The following GRK4 variants were observed in gnomAD, a reference collection of about 807,000 sequenced individuals.
GRK4 encodes the protein G protein-coupled receptor kinase 2-like.
Under a neutral mutation model 77.9 loss-of-function variants are expected in GRK4, and 73 were observed. That is an observed-to-expected ratio of 0.94 (90% CI 0.78 to 1.14). The LOEUF is 1.14. GRK4 is among the 50% of genes most tolerant of loss of function. The pLI, the probability that GRK4 is intolerant of heterozygous loss-of-function variation, is 0.00. For synonymous variants in GRK4, 257 were observed against 254.4 expected (o/e 1.01, Z -0.10); for missense variants, 729 against 700.2 (o/e 1.04, Z -0.46).
intron 9 of GRK4, 35 bp downstream of exon 9, chr4:3,019,866 C>A: frequency 6.4e-7 from 1 of 1,569,800 alleles, no homozygotes; most frequent in South Asian, 1.2e-5. Context: ...GCCTGCAAGT[C>A]TTGGAGCCGG....
intron 5 of GRK4, among the ~76,000 whole-genome samples, 157 bp downstream of exon 5, chr4:3,004,491 C>T (rs550042956): frequency 2.0e-5 from 3 of 152,272 alleles, no homozygotes; most frequent in Non-Finnish European, 2.9e-5. Flanking sequence ...CAACCTTCTG[C>T]GCAGTTGAAA....
At chr4:3,024,205 C>A (rs1736801688) in intron 10 of GRK4, among the ~76,000 whole-genome samples, 1 of 152,184 alleles carries the variant, frequency 6.6e-6, no homozygotes, top group African/African-American at 2.4e-5. Flanking sequence ...CCTGTCTCTT[C>A]TCTTGGGGAC....
chr4:2,965,653 A>G lies in GRK4; in HGVS notation c.52+1531A>G, dbSNP rs564582243. On this transcript the variant is annotated intron_variant, in intron 1 of 15. Coordinates refer to ENST00000398052, the MANE Select transcript of GRK4 (RefSeq NM_182982.3). ...GGGCCCAGGAGAGTCCAGCCTGGGC[A>G]AAACACAGCAAGACCATCTCTTTAA... 1.3e-4 allele frequency: 77 copies of G among 589,104 alleles called. No homozygotes were observed. In the African/African-American group the frequency reaches 1.3e-3, roughly 10 times the overall value. The allele number at this position is 589,104 out of a possible 1,614,324, so 36.5% of individuals were successfully genotyped here.
At chr4:3,004,170 C>G (rs1730636730) in intron 4 of GRK4, 61 bp from the exon 5 acceptor site, 27 of 1,172,288 alleles carry the variant, frequency 2.3e-5, no homozygotes, top group Non-Finnish European at 3.3e-5. Flanking sequence ...GCATTAGGTT[C>G]TGTTCACTAG....
At chr4:2,988,864 G>T (rs370041000) in intron 3 of GRK4, 25 bp downstream of exon 3, 1 of 1,336,618 alleles carries the variant, frequency 7.5e-7, no homozygotes, top group African/African-American at 1.4e-5. Flanking sequence ...TCCATATTGA[G>T]CAACCACCCA....
intron 10 of GRK4, among the ~76,000 whole-genome samples, chr4:3,026,879 T>G (rs1336096030): frequency 6.6e-6 from 1 of 152,238 alleles, no homozygotes; most frequent in Non-Finnish European, 1.5e-5. Flanking sequence ...TAGCAAACAT[T>G]TATTGGTTAT....
At chr4:3,034,559 T>C (rs1740072442) in intron 12 of GRK4, among the ~76,000 whole-genome samples, 1 of 152,230 alleles carries the variant, frequency 6.6e-6, no homozygotes, top group Non-Finnish European at 1.5e-5. Context: ...AGCACAGCCC[T>C]GCTTTTTCTG....
In GRK4 at chr4:2,963,673, C is replaced by T. The variant is rs1716419365; in HGVS notation, c.-398C>T. On this transcript the variant is annotated 5_prime_UTR_variant, in exon 1 of 16. Transcript: ENST00000398052. ...TCGCCGGCCGCGGCGGGCGCCCCTG[C>T]CAGTGAGCCCCTGTCCGAAGTGAGC... The T allele has an allele frequency of 5.6e-6, 2 of 359,796 alleles. No homozygotes were observed. Among genetic ancestry groups the T allele is most frequent in the South Asian group, 5.7e-5 (1 of 17,472 alleles). The allele number at this position is 359,796 out of a possible 1,614,324, so 22.3% of individuals were successfully genotyped here. A position where few individuals can be genotyped will look rare whatever the true frequency, so the allele number is the denominator to read the frequency against.
intron 1 of GRK4, among the ~76,000 whole-genome samples, chr4:2,983,353 C>A (rs1041417988): frequency 6.6e-6 from 1 of 152,184 alleles, no homozygotes; most frequent in African/African-American, 2.4e-5. Context: ...ATTATGTTCT[C>A]CTGGATAAAA....
chr4:2,979,155 G>A (rs1722066004), intron 1 of GRK4, among the ~76,000 whole-genome samples: 1 of 151,932 alleles, frequency 6.6e-6, no homozygotes, highest in Admixed American at 6.6e-5. Context: ...AACCCAGGAG[G>A]TGGAGCTTGC....
At chr4:2,976,398 AT>A (rs35070610) in intron 1 of GRK4, among the ~76,000 whole-genome samples, 8 of 149,502 alleles carry the variant, frequency 5.4e-5, no homozygotes, top group South Asian at 2.1e-4. Context: ...TGCCTGAGTA[AT>A]TTTTTTTTTA....
chr4:2,973,526 C>G (rs2109429537), intron 1 of GRK4, among the ~76,000 whole-genome samples: 1 of 152,270 alleles, frequency 6.6e-6, no homozygotes, highest in South Asian at 2.1e-4. Context: ...AATACTCAAC[C>G]CCAGCACCCC....
chr4:2,992,253 T>C lies in GRK4; in HGVS notation c.300T>C (p.Asp100=), dbSNP rs2515941. 543,305 of 1,602,780 alleles carry C rather than the reference T, an allele frequency of 0.34. 96,149 individuals are homozygous for C. The highest frequency in any genetic ancestry group is 0.44 in the African/African-American group (32,757 of 74,630). The part of the protein sequence containing the change: ...YEVADDEDRS[D]CGLSILDRFF... ...TTGCCGATGATGAGGACCGAAGTGA[T>C]TGTGGACTGTCAATCTTAGATAGAT... The change falls in exon 4 of 16, where the codon GAT becomes GAC. Residue 100 remains aspartate (D), a synonymous_variant. Coordinates refer to ENST00000398052, the MANE Select transcript of GRK4 (RefSeq NM_182982.3).
At chr4:3,025,909 T>C (rs1737390064) in intron 10 of GRK4, among the ~76,000 whole-genome samples, 1 of 152,344 alleles carries the variant, frequency 6.6e-6, no homozygotes, top group Non-Finnish European at 1.5e-5. Context: ...AGACCACATG[T>C]ATTGTCCTCC....
chr4:2,998,734 T>G (rs1275136696), intron 4 of GRK4, among the ~76,000 whole-genome samples: 1 of 151,964 alleles, frequency 6.6e-6, no homozygotes, highest in Non-Finnish European at 1.5e-5. Flanking sequence ...TGGAAAGACA[T>G]CTCCTGTTCG....
At chr4:2,966,278 G>A (rs1010235325) in intron 1 of GRK4, 4 of 152,252 alleles carry the variant, frequency 2.6e-5, no homozygotes, top group Admixed American at 1.3e-4. Context: ...CGGGCGTGGT[G>A]GCGGGCGCCT....
intron 12 of GRK4, among the ~76,000 whole-genome samples, chr4:3,031,728 C>A (rs981497820): frequency 3.3e-5 from 5 of 152,150 alleles, no homozygotes; most frequent in African/African-American, 9.7e-5. Context: ...TGGAGTGGAG[C>A]TGACAGAGTG....
At chr4:2,986,507 C>T (rs947516565) in intron 2 of GRK4, among the ~76,000 whole-genome samples, 4 of 151,776 alleles carry the variant, frequency 2.6e-5, no homozygotes, top group South Asian at 2.1e-4. Flanking sequence ...AGGTGCCCAC[C>T]ACCACGCCCG....
rs34216391 is a variant in GRK4, at chr4:3,037,083, A to ATG, written c.1408-272_1408-271dup. Among the ~76,000 whole-genome samples, 170 of 140,238 alleles carry ATG rather than the reference A, an allele frequency of 1.2e-3. 1 individual carries two copies. In the East Asian group the frequency reaches 0.019, roughly 15 times the overall value. 92.0% of individuals were successfully genotyped at this position (140,238 alleles called of 152,430 possible). On this transcript the variant is annotated intron_variant, in intron 13 of 15. Transcript: ENST00000398052. ...TGTGTGTGTGTGTATGTGTGTGTGT[A>ATG]TGTGTGTGTGTGTGTGTGTGAGAAA...
Sources: gnomAD v4.1 joint callset for allele counts (sites outside exome capture counted in the v4.1 genomes callset) on GRCh38, gnomAD v4.1.1 for gene constraint, MANE v1.5 for transcripts, NCBI Gene and HGNC (gene_info 2026-07-23, HGNC 2026-07-21) for gene names.